The following KCND2 variants were observed in gnomAD, a reference collection of about 807,000 sequenced individuals.
The protein encoded by KCND2 is A-type voltage-gated potassium channel KCND2.
KCND2 carries 16 observed loss-of-function variants against 54.4 expected under a neutral mutation model. That is an observed-to-expected ratio of 0.29 (90% CI 0.20 to 0.45). The LOEUF (loss-of-function observed/expected upper bound fraction) is 0.45. Ranked by LOEUF, KCND2 falls within the 20% of genes least tolerant of loss-of-function variation. The pLI, the probability that KCND2 is intolerant of heterozygous loss-of-function variation, is 1.00. For synonymous variants in KCND2, 317 were observed against 310.7 expected, an observed-to-expected ratio of 1.02 and a Z score of -0.21; for missense variants, 486 against 824.2, an observed-to-expected ratio of 0.59 and a Z score of 5.02.
chr7:120,279,782 A>G (rs1799235970), intron 1 of KCND2, among the ~76,000 whole-genome samples: 1 of 151,954 alleles, frequency 6.6e-6, no homozygotes, highest in African/African-American at 2.4e-5. Flanking sequence ...ATACTTTGAA[A>G]TAATTTATCA....
In KCND2 at chr7:120,545,995, A is replaced by C. The variant is rs190302695; in HGVS notation, c.1116-186908A>C. The stretch of plus-strand genomic sequence containing the variant: ...AAAAGTTTGCTTAAACAAGAAATAA[A>C]ATGATGGTGTATAAGGAGAGATTGC... On this transcript the variant is annotated intron_variant, in intron 1 of 5. Transcript: ENST00000331113. 3.9e-5 allele frequency among the ~76,000 whole-genome samples: 6 copies of C among 152,052 alleles called. No individual in the cohort carries two copies. In the East Asian group the frequency reaches 1.2e-3, roughly 29 times the overall value.
chr7:120,387,118 C>T (rs908191276), intron 1 of KCND2, among the ~76,000 whole-genome samples: 1 of 152,084 alleles, frequency 6.6e-6, no homozygotes, highest in Non-Finnish European at 1.5e-5. Flanking sequence ...ACAAACACTT[C>T]TAATCTGTTT....
At chr7:120,585,940 T>C (rs958919323) in intron 1 of KCND2, among the ~76,000 whole-genome samples, 2 of 152,164 alleles carry the variant, frequency 1.3e-5, no homozygotes, top group African/African-American at 4.8e-5. Flanking sequence ...CATGGAAAAT[T>C]GGCAGCTTTT....
chr7:120,703,967 G>A (rs1417967269), intron 1 of KCND2, among the ~76,000 whole-genome samples: 3 of 152,136 alleles, frequency 2.0e-5, no homozygotes, highest in African/African-American at 7.2e-5. Flanking sequence ...CATTTCTGAT[G>A]GTTTCCCTGG....
intron 1 of KCND2, among the ~76,000 whole-genome samples, chr7:120,553,405 C>T (rs1792125059): frequency 6.6e-6 from 1 of 152,170 alleles, no homozygotes; most frequent in African/African-American, 2.4e-5. Context: ...CAAATAATCA[C>T]ATTTTTCTTA....
intron 2 of KCND2, among the ~76,000 whole-genome samples, chr7:120,739,031 C>G (rs1341546799): frequency 6.6e-6 from 1 of 152,060 alleles, no homozygotes; most frequent in Non-Finnish European, 1.5e-5. Context: ...GATAGTCTGT[C>G]TCTAAAGCAA....
intron 1 of KCND2, among the ~76,000 whole-genome samples, chr7:120,477,401 G>T (rs1024877517): frequency 2.6e-5 from 4 of 152,110 alleles, no homozygotes; most frequent in African/African-American, 9.7e-5. Context: ...GGCTTATGGG[G>T]ACTCTTTGTA....
chr7:120,369,730 A>G (rs186884758), intron 1 of KCND2, among the ~76,000 whole-genome samples: 2 of 152,158 alleles, frequency 1.3e-5, no homozygotes, highest in East Asian at 3.9e-4. Context: ...TGTTTATTAA[A>G]AAGAAGCTTT....
intron 1 of KCND2, among the ~76,000 whole-genome samples, chr7:120,672,373 AATGG>A (rs1179871370): frequency 2.0e-5 from 3 of 152,138 alleles, no homozygotes; most frequent in African/African-American, 7.2e-5. Context: ...TGTTGTGTAC[AATGG>A]ATATATGTCA....
chr7:120,383,047 C>T (rs1206079443), intron 1 of KCND2, among the ~76,000 whole-genome samples: 1 of 151,932 alleles, frequency 6.6e-6, no homozygotes, highest in Non-Finnish European at 1.5e-5. Context: ...ACCAATGACT[C>T]ACATGATTTT....
intron 1 of KCND2, among the ~76,000 whole-genome samples, chr7:120,594,959 G>T (rs1307163573): frequency 6.6e-6 from 1 of 151,660 alleles, no homozygotes; most frequent in Non-Finnish European, 1.5e-5. Flanking sequence ...GGCGGAGGTT[G>T]CAGTGAGCCG....
In KCND2 at chr7:120,748,177, A is replaced by G. The variant is rs1793029288; in HGVS notation, c.*319A>G. The G allele has an allele frequency of 5.3e-6, 1 of 188,108 alleles. No homozygotes were observed. Among genetic ancestry groups the G allele is most frequent in the Admixed American group, 5.8e-5 (1 of 17,390 alleles). 11.7% of individuals were successfully genotyped at this position (188,108 alleles called of 1,614,324 possible). On this transcript the variant is annotated 3_prime_UTR_variant, in exon 6 of 6. Transcript: ENST00000331113. ...ATAAATAACATAAATCGTTGAACAT[A>G]ATGTTCCAGTTGAATGCAAAACAAA...
intron 1 of KCND2, among the ~76,000 whole-genome samples, chr7:120,609,380 G>A (rs1792922537): frequency 6.6e-6 from 1 of 152,096 alleles, no homozygotes; most frequent in African/African-American, 2.4e-5. Context: ...CTATTTTGGA[G>A]CAGACTTGGA....
intron 1 of KCND2, among the ~76,000 whole-genome samples, chr7:120,535,443 C>G (rs767339623): frequency 2.0e-5 from 3 of 152,052 alleles, no homozygotes; most frequent in African/African-American, 7.2e-5. Flanking sequence ...TGTCACTGGT[C>G]TCTTGGAAAT....
intron 1 of KCND2, among the ~76,000 whole-genome samples, chr7:120,453,304 C>T (rs559834840): frequency 7.9e-5 from 12 of 152,286 alleles, no homozygotes; most frequent in African/African-American, 2.9e-4. Flanking sequence ...GCCATAACAC[C>T]ATTGTTGGCA....
chr7:120,593,395 C>G (rs901507614), intron 1 of KCND2, among the ~76,000 whole-genome samples: 1 of 152,084 alleles, frequency 6.6e-6, no homozygotes, highest in East Asian at 1.9e-4. Context: ...CAGATGAGGT[C>G]GGTCTACAGA....
At chr7:120,282,499 C>T (rs1164552694) in intron 1 of KCND2, among the ~76,000 whole-genome samples, 1 of 151,992 alleles carries the variant, frequency 6.6e-6, no homozygotes, top group African/African-American at 2.4e-5. Context: ...ATAACGCAAT[C>T]CATTTTGCCT....
intron 1 of KCND2, among the ~76,000 whole-genome samples, chr7:120,616,070 C>A (rs993183588): frequency 6.6e-6 from 1 of 151,672 alleles, no homozygotes; most frequent in Non-Finnish European, 1.5e-5. Flanking sequence ...AGGTCATGAA[C>A]GCATATTTTT....
At chr7:120,443,626 A>G (rs1276003174) in intron 1 of KCND2, among the ~76,000 whole-genome samples, 1 of 151,940 alleles carries the variant, frequency 6.6e-6, no homozygotes, top group African/African-American at 2.4e-5. Flanking sequence ...AAGTCTGATC[A>G]TGCCATTCCT....
Sources: allele counts gnomAD v4.1 joint callset (sites outside exome capture counted in the v4.1 genomes callset), GRCh38; gene constraint gnomAD v4.1.1; transcripts MANE v1.5; gene names NCBI Gene and HGNC (gene_info 2026-07-23, HGNC 2026-07-21).